The following MSRA variants were observed in gnomAD, a reference collection of about 807,000 sequenced individuals.
MSRA encodes methionine sulfoxide reductase A.
Under a neutral mutation model 31.3 loss-of-function variants are expected in MSRA, and 54 were observed. The observed-to-expected ratio is 1.73, with a 90% CI of 1.39 to 2.17. The LOEUF is 2.17. Among genes scored for constraint, MSRA ranks in the 30% most tolerant of loss-of-function variants. The pLI is 0.00. For synonymous variants in MSRA, 169 were observed against 116.5 expected (o/e 1.45, Z -2.90); for missense variants, 507 against 300.9 (o/e 1.69, Z -5.07).
chr8:10,288,133 G>T (rs1335982351), intron 3 of MSRA, among the ~76,000 whole-genome samples: 2 of 152,202 alleles, frequency 1.3e-5, no homozygotes, highest in Non-Finnish European at 2.9e-5. Flanking sequence ...TCACCATTTT[G>T]ATTGTACTGA....
intron 1 of MSRA, among the ~76,000 whole-genome samples, chr8:10,157,682 T>G (rs933189220): frequency 6.6e-6 from 1 of 152,180 alleles, no homozygotes; most frequent in East Asian, 1.9e-4. Context: ...CAGAGTCAAA[T>G]TTCCCTCATT....
At chr8:10,369,653 A>G (rs1805369227) in intron 5 of MSRA, among the ~76,000 whole-genome samples, 1 of 152,218 alleles carries the variant, frequency 6.6e-6, no homozygotes, top group East Asian at 1.9e-4. Context: ...TGAAAACTTA[A>G]AAATGAGGCA....
rs71203323 is a variant in MSRA, at chr8:10,418,815, TAAA to T, written c.544-9312_544-9310del. 1.2e-4 allele frequency among the ~76,000 whole-genome samples: 8 copies of T among 66,042 alleles called. No individual in the cohort carries two copies. The East Asian group carries it at 2.4e-3, about 20-fold the overall frequency. The allele number at this position is 66,042 out of a possible 152,430, so 43.3% of individuals were successfully genotyped here. The stretch of plus-strand genomic sequence containing the variant: ...TATGTTATGTGTATTTTACTACGAC[TAAA>T]AAAAAAAAAAAAAAAAAAAACCAAC... On this transcript the variant is annotated intron_variant, in intron 5 of 5. Coordinates refer to ENST00000317173, the MANE Select transcript of MSRA (RefSeq NM_012331.5).
At chr8:10,137,847 C>G (rs1056873341) in intron 1 of MSRA, among the ~76,000 whole-genome samples, 2 of 152,080 alleles carry the variant, frequency 1.3e-5, no homozygotes, top group African/African-American at 4.8e-5. Context: ...TAAGTAAATA[C>G]AAAGTTTTAT....
At chr8:10,379,087 A>G (rs1363280960) in intron 5 of MSRA, among the ~76,000 whole-genome samples, 1 of 151,774 alleles carries the variant, frequency 6.6e-6, no homozygotes, top group Non-Finnish European at 1.5e-5. Flanking sequence ...TAACCTTCAT[A>G]TTTGTCATTT....
At chr8:10,161,842 A>G (rs1395734110) in intron 1 of MSRA, among the ~76,000 whole-genome samples, 1 of 151,926 alleles carries the variant, frequency 6.6e-6, no homozygotes, top group East Asian at 1.9e-4. Context: ...CCTGATAACC[A>G]TGGGCCCTGG....
chr8:10,089,688 C>A (rs745547610), intron 1 of MSRA, among the ~76,000 whole-genome samples: 30 of 152,188 alleles, frequency 2.0e-4, no homozygotes, highest in Non-Finnish European at 3.2e-4. Context: ...ATGGCATTAG[C>A]ATCTGCTGGC....
At chr8:10,288,479 C>G (rs1183805493) in intron 3 of MSRA, among the ~76,000 whole-genome samples, 2 of 152,150 alleles carry the variant, frequency 1.3e-5, no homozygotes, top group Admixed American at 1.3e-4. Context: ...TTATAAAGTT[C>G]TTAAGCCTCA....
At chr8:10,260,671 G>T (rs555952474) in intron 3 of MSRA, among the ~76,000 whole-genome samples, 6 of 152,270 alleles carry the variant, frequency 3.9e-5, no homozygotes, top group African/African-American at 1.4e-4. Context: ...ATGTGAAAGG[G>T]AAATGAACAG....
intron 5 of MSRA, among the ~76,000 whole-genome samples, chr8:10,335,635 C>T (rs944860738): frequency 6.6e-6 from 1 of 152,130 alleles, no homozygotes; most frequent in Admixed American, 6.5e-5. Flanking sequence ...CTGCAGCTAC[C>T]TGCCTCGGGC....
intron 3 of MSRA, among the ~76,000 whole-genome samples, chr8:10,289,226 G>T (rs1800101936): frequency 6.6e-6 from 1 of 152,036 alleles, no homozygotes; most frequent in Non-Finnish European, 1.5e-5. Context: ...TGTTGGCCAG[G>T]ATGGTCTTGA....
chr8:10,216,179 A>G lies in MSRA; in HGVS notation c.211+8278A>G, dbSNP rs144678179. On this transcript the variant is annotated intron_variant, in intron 2 of 5. Transcript: ENST00000317173. ...CATTTATCTTGGGACTTGTTATAAA[A>G]TGGATTAAAGGAAAATTAAAATATA... is the stretch of plus-strand genomic sequence containing the variant. 2.9e-3 allele frequency among the ~76,000 whole-genome samples: 445 copies of G among 152,330 alleles called. 3 individuals are homozygous for G. Among genetic ancestry groups the G allele is most frequent in the Middle Eastern group, 0.017 (5 of 294 alleles).
chr8:10,281,529 A>G (rs1382317611), intron 3 of MSRA, among the ~76,000 whole-genome samples: 2 of 152,236 alleles, frequency 1.3e-5, no homozygotes, highest in Non-Finnish European at 2.9e-5. Context: ...TGATTTTGCA[A>G]AAGCAGAATC....
chr8:10,075,618 C>G (rs932124789), intron 1 of MSRA, among the ~76,000 whole-genome samples: 1 of 152,216 alleles, frequency 6.6e-6, no homozygotes, highest in Non-Finnish European at 1.5e-5. Context: ...CCACAGTTAT[C>G]TGCAGTTTCC....
At chr8:10,378,488 G>T (rs1805874755) in intron 5 of MSRA, among the ~76,000 whole-genome samples, 1 of 152,214 alleles carries the variant, frequency 6.6e-6, no homozygotes, top group Non-Finnish European at 1.5e-5. Flanking sequence ...GGCATCTCCA[G>T]TGACCTTGCT....
chr8:10,136,528 G>C (rs1027381320), intron 1 of MSRA, among the ~76,000 whole-genome samples: 1 of 152,336 alleles, frequency 6.6e-6, no homozygotes, highest in African/African-American at 2.4e-5. Flanking sequence ...GTCTTGACAG[G>C]AGCTATGGAC....
chr8:10,222,713 T>C (rs10109090), intron 2 of MSRA, among the ~76,000 whole-genome samples: 2,004 of 152,336 alleles, frequency 0.013, 45 homozygotes, highest in African/African-American at 0.045. Context: ...GAGAACATTA[T>C]GCTAAATGAA....
intron 1 of MSRA, among the ~76,000 whole-genome samples, chr8:10,151,678 C>T (rs547414103): frequency 6.6e-6 from 1 of 152,202 alleles, no homozygotes; most frequent in South Asian, 2.1e-4. Context: ...AGAGAACATT[C>T]TAGCAGGAGA....
chr8:10,265,283 A>G (rs1313564025), intron 3 of MSRA, among the ~76,000 whole-genome samples: 2 of 152,146 alleles, frequency 1.3e-5, no homozygotes, highest in African/African-American at 2.4e-5. Context: ...TGGAGCAGAC[A>G]TGGAGTCAAA....
Sources: allele counts gnomAD v4.1 joint callset (sites outside exome capture counted in the v4.1 genomes callset), GRCh38; gene constraint gnomAD v4.1.1; transcripts MANE v1.5; gene names NCBI Gene and HGNC (gene_info 2026-07-23, HGNC 2026-07-21).